ESR1: variants seen among roughly 807,000 people sequenced by gnomAD.
ESR1 encodes the protein estrogen receptor.
ESR1 carries 12 observed loss-of-function variants against 52.7 expected under a neutral mutation model. The ratio of observed to expected loss-of-function variants is 0.23; its 90% confidence interval spans 0.15 to 0.37. ESR1 has a LOEUF of 0.37. Among genes scored for constraint, ESR1 ranks in the 10% least tolerant of loss-of-function variants. The probability of loss-of-function intolerance (pLI) is 1.00; values close to 1 mark genes in which losing one functional copy is unlikely to be tolerated. For missense variants in ESR1, 584 were observed against 779.7 expected (o/e 0.75, Z 2.99); for synonymous variants, 305 against 316.8 (o/e 0.96, Z 0.39).
chr6:151,686,314 A>G (rs182102095), upstream of ESR1, among the ~76,000 whole-genome samples: 166 of 152,208 alleles, frequency 1.1e-3, no homozygotes, highest in African/African-American at 3.9e-3. Context: ...GGGTCATATT[A>G]TGGCTCCGTT....
intron 6 of ESR1, among the ~76,000 whole-genome samples, chr6:152,119,810 T>C (rs1472132801): frequency 6.6e-6 from 1 of 152,154 alleles, no homozygotes; most frequent in Non-Finnish European, 1.5e-5. Flanking sequence ...CATGGCCCCA[T>C]ACCCATCTCC....
At chr6:151,999,323 A>C (rs1440495147) in intron 4 of ESR1, among the ~76,000 whole-genome samples, 1 of 152,038 alleles carries the variant, frequency 6.6e-6, no homozygotes, top group East Asian at 1.9e-4. Context: ...ATTTTCACAG[A>C]GTTTCTTTAG....
At chr6:151,940,757 C>T (rs963282962) in intron 3 of ESR1, among the ~76,000 whole-genome samples, 4 of 152,184 alleles carry the variant, frequency 2.6e-5, no homozygotes, top group Admixed American at 6.5e-5. Context: ...TATTGAATAA[C>T]TTTTGATCAA....
upstream of ESR1, among the ~76,000 whole-genome samples, chr6:151,687,428 GAT>G (rs757881211): frequency 6.6e-5 from 10 of 152,182 alleles, no homozygotes; most frequent in Non-Finnish European, 1.5e-4. Context: ...ATAGAACTGA[GAT>G]AGTGTTTTGA....
chr6:151,670,716 T>C (rs950768836), intron 1 of ESR1, among the ~76,000 whole-genome samples: 1 of 151,202 alleles, frequency 6.6e-6, no homozygotes, highest in Non-Finnish European at 1.5e-5. Flanking sequence ...CCTGAGTAAC[T>C]GGGATTACAG....
chr6:152,021,226 G>A (rs556171453), intron 5 of ESR1, among the ~76,000 whole-genome samples: 78 of 152,230 alleles, frequency 5.1e-4, no homozygotes, highest in African/African-American at 1.8e-3. Flanking sequence ...CGTGAAAGGG[G>A]AAACTGGCCT....
At chr6:152,066,512 G>A (rs1316184025) in intron 6 of ESR1, among the ~76,000 whole-genome samples, 1 of 152,186 alleles carries the variant, frequency 6.6e-6, no homozygotes, top group Non-Finnish European at 1.5e-5. Context: ...TTGTCACATT[G>A]GAGAAGATTG....
At chr6:152,076,310 C>T (rs1452180409) in intron 6 of ESR1, among the ~76,000 whole-genome samples, 2 of 152,110 alleles carry the variant, frequency 1.3e-5, no homozygotes, top group African/African-American at 2.4e-5. Context: ...TTGCCACCAC[C>T]ATGTAAGAAG....
At chr6:151,764,129 T>G (rs1784863854) in intron 2 of ESR1, among the ~76,000 whole-genome samples, 1 of 152,130 alleles carries the variant, frequency 6.6e-6, no homozygotes, top group South Asian at 2.1e-4. Context: ...CCGGCCTGGT[T>G]TGCTCGGGAC....
At chr6:151,896,902 G>T (rs1396304756) in intron 3 of ESR1, among the ~76,000 whole-genome samples, 1 of 152,022 alleles carries the variant, frequency 6.6e-6, no homozygotes, top group African/African-American at 2.4e-5. Context: ...TCAATTCGAA[G>T]AATTTTAAAA....
At chr6:152,091,147 C>T (rs1376214347) in intron 6 of ESR1, among the ~76,000 whole-genome samples, 2 of 152,208 alleles carry the variant, frequency 1.3e-5, no homozygotes, top group African/African-American at 4.8e-5. Flanking sequence ...CCCTGTTTTG[C>T]TCTTGCAGTG....
chr6:152,048,193 A>T (rs1264080407), intron 5 of ESR1, among the ~76,000 whole-genome samples: 3 of 150,998 alleles, frequency 2.0e-5, no homozygotes, highest in Non-Finnish European at 2.9e-5. Flanking sequence ...ACATGGTGAA[A>T]CCCCGTCTCT....
rs369518742 is a variant in ESR1 at position 151,756,119 on chromosome 6, A to C, written c.-70-51724A>C. On this transcript the variant is annotated intron_variant, in intron 2 of 2. Transcript: ENST00000404742. ...CATATCTTGTTCCTTCATTTTCTTC[A>C]GGTGATTATTAAAATTTCACTTCCA... Among the ~76,000 whole-genome samples, 3 of 152,128 alleles carry C rather than the reference A, an allele frequency of 2.0e-5. No homozygotes were observed. In the East Asian group the frequency reaches 5.8e-4, roughly 29 times the overall value.
At position 151,808,181 on chromosome 6, in the gene ESR1, GCTC is replaced by G; in HGVS notation, c.271_273del (p.Ser91del). The G allele has an allele frequency of 6.3e-7, 1 of 1,580,784 alleles. No homozygotes were observed. On this transcript the variant is annotated inframe_deletion, in exon 1 of 8. Coordinates refer to ENST00000206249, the MANE Select transcript of ESR1 (RefSeq NM_000125.4). Reference sequence around the variant, plus strand: ...CCCGGGTCTGAGGCTGCGGCGTTCGGCTCCAACGGCCTGGGGGGTTTCCCCCCA... The same window carrying G: ...CCCGGGTCTGAGGCTGCGGCGTTCGGCAACGGCCTGGGGGGTTTCCCCCCA...
At position 152,102,650 on chromosome 6, in the gene ESR1, A is replaced by T. The variant is rs1196365148; in HGVS notation, c.*3684A>T. On this transcript the variant is annotated 3_prime_UTR_variant, in exon 8 of 8. Coordinates refer to ENST00000206249, the MANE Select transcript of ESR1 (RefSeq NM_000125.4). ...TGTTTCCAACTGCATTTCCTTTCCA[A>T]TTGAATTAAAGTGTGGCCTCGTTTT... 1.4e-5 allele frequency: 3 copies of T among 220,710 alleles called. No homozygotes were observed. Among genetic ancestry groups the T allele is most frequent in the Non-Finnish European group, 2.7e-5 (3 of 110,030 alleles). 13.7% of individuals were successfully genotyped at this position (220,710 alleles called of 1,614,324 possible). A position where few individuals can be genotyped will look rare whatever the true frequency, so the allele number is the denominator to read the frequency against.
At chr6:151,923,317 A>G (rs2032060488) in intron 3 of ESR1, among the ~76,000 whole-genome samples, 1 of 152,128 alleles carries the variant, frequency 6.6e-6, no homozygotes, top group South Asian at 2.1e-4. Context: ...GTTTGGATAC[A>G]TTGTGGTCTA....
At chr6:152,067,696 G>A (rs913605034) in intron 6 of ESR1, among the ~76,000 whole-genome samples, 4 of 151,994 alleles carry the variant, frequency 2.6e-5, no homozygotes, top group Non-Finnish European at 4.4e-5. Flanking sequence ...GCACGGTGGC[G>A]GGCACCTGTA....
chr6:152,068,862 G>GAAACCTAGGGA (rs1282253424), intron 6 of ESR1, among the ~76,000 whole-genome samples: 1 of 95,568 alleles, frequency 1.0e-5, no homozygotes, highest in African/African-American at 7.8e-5. Flanking sequence ...GGCACTGCCT[G>GAAACCTAGGGA]CATAAAAATG....
chr6:152,026,240 CT>C (rs1444107584), intron 5 of ESR1, among the ~76,000 whole-genome samples: 17 of 151,894 alleles, frequency 1.1e-4, no homozygotes, highest in Admixed American at 1.1e-3. Context: ...ATAATTTTTG[CT>C]TAATGAAAAC....
Sources: gnomAD v4.1 joint callset for allele counts (sites outside exome capture counted in the v4.1 genomes callset) on GRCh38, gnomAD v4.1.1 for gene constraint, MANE v1.5 for transcripts, NCBI Gene and HGNC (gene_info 2026-07-23, HGNC 2026-07-21) for gene names.